The following CSTPP1 variants were observed in gnomAD, a reference collection of about 807,000 sequenced individuals.
CSTPP1 encodes the protein centriolar satellite-associated tubulin polyglutamylase complex regulator 1, also known as UPF0705 protein C11orf49.
At chr11:47,063,320 A>T in the CSTPP1 span, among the ~76,000 whole-genome samples, 11,930 of 152,234 alleles carry the variant, frequency 0.078, 490 homozygotes, top group Non-Finnish European at 0.089. Context: ...TTTTATGGCA[A>T]TAAAACCTAT....
chr11:46,977,830 C>G, the CSTPP1 span, among the ~76,000 whole-genome samples: 2 of 152,256 alleles, frequency 1.3e-5, no homozygotes, highest in Non-Finnish European at 2.9e-5. Flanking sequence ...TTACCTTGAA[C>G]ATAATGAGGC....
At chr11:46,997,163 T>A in the CSTPP1 span, among the ~76,000 whole-genome samples, 1 of 152,210 alleles carries the variant, frequency 6.6e-6, no homozygotes, top group African/African-American at 2.4e-5. Flanking sequence ...CCAACTTGGT[T>A]CTGTTCTCCG....
chr11:46,983,217 T>C, the CSTPP1 span, among the ~76,000 whole-genome samples: 1 of 152,196 alleles, frequency 6.6e-6, no homozygotes, highest in African/African-American at 2.4e-5. Context: ...GACAGTGTTA[T>C]AAAGAGATTA....
chr11:47,038,281 T>C, the CSTPP1 span, among the ~76,000 whole-genome samples: 3 of 91,404 alleles, frequency 3.3e-5, no homozygotes, highest in Admixed American at 1.1e-4. Context: ...GGCGGGGGGC[T>C]GACCCCCCCA....
chr11:46,970,663 G>T, the CSTPP1 span, among the ~76,000 whole-genome samples: 1 of 152,062 alleles, frequency 6.6e-6, no homozygotes, highest in Middle Eastern at 3.4e-3. Context: ...TAAAATTTGT[G>T]TACAACAAAT....
chr11:47,160,141 GA>G, the CSTPP1 span: 3 of 161,420 alleles, frequency 1.9e-5, no homozygotes, highest in Admixed American at 1.3e-4. Flanking sequence ...CGTCTCTTTA[GA>G]AAAAAAACAA....
the CSTPP1 span, chr11:47,137,693 C>G: frequency 3.1e-6 from 5 of 1,613,984 alleles, no homozygotes; most frequent in African/African-American, 6.7e-5. Context: ...TTACTGTGTC[C>G]TGATTTCCCG....
chr11:47,080,194 G>A, the CSTPP1 span, among the ~76,000 whole-genome samples: 3 of 152,212 alleles, frequency 2.0e-5, no homozygotes, highest in Non-Finnish European at 4.4e-5. Context: ...GGTGGCTCAC[G>A]CCTGTAATCC....
the CSTPP1 span, among the ~76,000 whole-genome samples, chr11:46,973,569 G>A: frequency 6.6e-6 from 1 of 152,100 alleles, no homozygotes; most frequent in Non-Finnish European, 1.5e-5. Context: ...TGACCCATGA[G>A]GACTGAAGGA....
At chr11:47,156,495 G>A in the CSTPP1 span, among the ~76,000 whole-genome samples, 1 of 152,178 alleles carries the variant, frequency 6.6e-6, no homozygotes, top group Non-Finnish European at 1.5e-5. Context: ...TCTGTTCCTC[G>A]CTGGTATTCC....
the CSTPP1 span, among the ~76,000 whole-genome samples, chr11:47,075,503 G>C: frequency 6.6e-6 from 1 of 152,206 alleles, no homozygotes; most frequent in Non-Finnish European, 1.5e-5. Flanking sequence ...GTGGACAGCA[G>C]AAGCATAAGT....
chr11:47,157,951 T>C, the CSTPP1 span: 1 of 1,582,332 alleles, frequency 6.3e-7, no homozygotes, highest in Admixed American at 1.7e-5. Context: ...GCCGTCAGCC[T>C]CTCCTGCCGC....
the CSTPP1 span, chr11:47,052,710 T>C: frequency 5.4e-5 from 37 of 686,266 alleles, 2 homozygotes; most frequent in Admixed American, 7.1e-4. Flanking sequence ...TTTGAGGAGT[T>C]GTCTGGTTTA....
the CSTPP1 span, among the ~76,000 whole-genome samples, chr11:47,010,514 GA>G: frequency 6.6e-6 from 1 of 152,170 alleles, no homozygotes; most frequent in Non-Finnish European, 1.5e-5. Flanking sequence ...AAGCTCCTTT[GA>G]TTCCTGTCTG....
chr11:47,074,243 T>C, the CSTPP1 span, among the ~76,000 whole-genome samples: 1 of 151,948 alleles, frequency 6.6e-6, no homozygotes, highest in African/African-American at 2.4e-5. Flanking sequence ...CTCATGCCTA[T>C]AGTCCTAGCA....
chr11:46,940,837 A>G, the CSTPP1 span, among the ~76,000 whole-genome samples: 1 of 152,210 alleles, frequency 6.6e-6, no homozygotes, highest in African/African-American at 2.4e-5. Context: ...GTACTCAATG[A>G]ATATATGAAA....
the CSTPP1 span, among the ~76,000 whole-genome samples, chr11:47,126,633 T>TA: frequency 1.5e-5 from 2 of 133,692 alleles, no homozygotes; most frequent in Non-Finnish European, 3.3e-5. Flanking sequence ...ACCCTATCTC[T>TA]AAAAAAATTA....
chr11:46,989,520 T>C, the CSTPP1 span, among the ~76,000 whole-genome samples: 2 of 152,204 alleles, frequency 1.3e-5, no homozygotes, highest in Non-Finnish European at 2.9e-5. Context: ...AGGCTGGTTT[T>C]GAACTGCAGG....
At chr11:47,137,500 TAG>T in the CSTPP1 span, 2 of 1,511,684 alleles carry the variant, frequency 1.3e-6, no homozygotes, top group South Asian at 2.6e-5. Context: ...ACCTGGAGGT[TAG>T]AGACTAGCAT....
Sources: gnomAD v4.1 joint callset for allele counts (sites outside exome capture counted in the v4.1 genomes callset) on GRCh38, gnomAD v4.1.1 for gene constraint, MANE v1.5 for transcripts, NCBI Gene and HGNC (gene_info 2026-07-23, HGNC 2026-07-21) for gene names.